The following UNC5D variants were observed in gnomAD, a reference collection of about 807,000 sequenced individuals.
UNC5D encodes netrin receptor UNC5D.
UNC5D carries 39 observed loss-of-function variants against 105.4 expected under a neutral mutation model. The ratio of observed to expected loss-of-function variants is 0.37; its 90% CI spans 0.29 to 0.48. The LOEUF is 0.48. Ranked by LOEUF, UNC5D falls within the 20% of genes least tolerant of loss-of-function variation. The probability of loss-of-function intolerance (pLI) is 0.98; values close to 1 mark genes in which losing one functional copy is unlikely to be tolerated. For missense variants in UNC5D, 991 were observed against 1,202.4 expected, an observed-to-expected ratio of 0.82 and a Z score of 2.60; for synonymous variants, 452 against 450.4, an observed-to-expected ratio of 1.00 and a Z score of -0.04.
chr8:35,257,624 G>A (rs1390092391), intron 1 of UNC5D, among the ~76,000 whole-genome samples: 1 of 152,124 alleles, frequency 6.6e-6, no homozygotes, highest in Non-Finnish European at 1.5e-5. Context: ...AATAATAGTT[G>A]GTGGTATGAA....
Position 35,759,309 on chromosome 8 carries a change from T to G in UNC5D, c.2164-11T>G, listed in dbSNP as rs1563740320. 6.2e-7 allele frequency: 1 copy of G among 1,607,752 alleles called. No individual in the cohort carries two copies. On this transcript the variant is annotated splice_polypyrimidine_tract_variant and intron_variant, in intron 13 of 16. Transcript: ENST00000404895. Reference sequence around the variant, plus strand: ...CATTATTGATCTTATTTTCTTTTTCTTCTCCTATAGGAAGTGGTTTCAGAT... The same window carrying G: ...CATTATTGATCTTATTTTCTTTTTCGTCTCCTATAGGAAGTGGTTTCAGAT...
intron 1 of UNC5D, among the ~76,000 whole-genome samples, chr8:35,248,297 A>AAG (rs1803337709): frequency 8.9e-6 from 1 of 112,646 alleles, no homozygotes; most frequent in African/African-American, 3.8e-5. Context: ...TATGTTATAT[A>AAG]AAATATATAA....
chr8:35,549,517 G>A lies in UNC5D; in HGVS notation c.322+7G>A. On this transcript the variant is annotated splice_region_variant and intron_variant, in intron 2 of 16. Transcript: ENST00000404895. ...ACTCTGGACGAGAGCTCAGGTAGGA[G>A]CGTGCAGCAGTCAGAAGCAGCTGTG... The A allele has an allele frequency of 1.2e-6, 2 of 1,609,844 alleles. No individual in the cohort carries two copies. The highest frequency in any genetic ancestry group is 1.7e-6 in the Non-Finnish European group (2 of 1,178,756).
At chr8:35,430,591 T>C (rs900668097) in intron 1 of UNC5D, among the ~76,000 whole-genome samples, 2 of 151,984 alleles carry the variant, frequency 1.3e-5, no homozygotes, top group African/African-American at 4.8e-5. Context: ...AGTCATTACC[T>C]TGGGAGATCT....
At chr8:35,263,259 G>A (rs1326795497) in intron 1 of UNC5D, among the ~76,000 whole-genome samples, 2 of 152,104 alleles carry the variant, frequency 1.3e-5, no homozygotes, top group Admixed American at 6.5e-5. Context: ...TCTGAGACCA[G>A]TTTCTTAAAA....
rs879530407 is a variant in UNC5D at position 35,793,369 on chromosome 8, C to G, written c.*2806C>G. 1.0e-4 allele frequency: 23 copies of G among 222,876 alleles called. No homozygotes were observed. Among genetic ancestry groups the G allele is most frequent in the African/African-American group, 4.7e-4 (20 of 42,790 alleles). 13.8% of individuals were successfully genotyped at this position (222,876 alleles called of 1,614,324 possible). On this transcript the variant is annotated 3_prime_UTR_variant, in exon 17 of 17. Coordinates refer to ENST00000404895, the MANE Select transcript of UNC5D (RefSeq NM_080872.4). ...TAGTCCTATTGTAATATGTGCCTGT[C>G]ACAACACAAATACCCCTCTTGAAAG...
chr8:35,586,097 AC>A (rs1376286671), intron 3 of UNC5D, among the ~76,000 whole-genome samples: 1 of 151,222 alleles, frequency 6.6e-6, no homozygotes, highest in Non-Finnish European at 1.5e-5. Context: ...ACATGGAGAA[AC>A]CCCCGTTTCT....
chr8:35,622,412 T>A (rs955280388), intron 4 of UNC5D, among the ~76,000 whole-genome samples: 3 of 152,128 alleles, frequency 2.0e-5, no homozygotes, highest in Non-Finnish European at 4.4e-5. Flanking sequence ...ATTATAAGCA[T>A]ATTGTTCAAG....
At chr8:35,725,256 G>C (rs927424411) in intron 9 of UNC5D, among the ~76,000 whole-genome samples, 1 of 152,172 alleles carries the variant, frequency 6.6e-6, no homozygotes, top group African/African-American at 2.4e-5. Flanking sequence ...ACTGATATGG[G>C]TGTGAAGCTT....
chr8:35,715,751 A>G (rs531256727), intron 8 of UNC5D, among the ~76,000 whole-genome samples: 24 of 152,194 alleles, frequency 1.6e-4, no homozygotes, highest in African/African-American at 5.5e-4. Context: ...AAAGAGAATA[A>G]TGAATGAGGC....
At chr8:35,610,261 G>A (rs1820584756) in intron 4 of UNC5D, among the ~76,000 whole-genome samples, 1 of 152,040 alleles carries the variant, frequency 6.6e-6, no homozygotes, top group South Asian at 2.1e-4. Flanking sequence ...TTCTCTAATC[G>A]TTTTTGGTTT....
rs544659183 is a variant in UNC5D at position 35,681,987 on chromosome 8, C to T, written c.571-1560C>T. On this transcript the variant is annotated intron_variant, in intron 4 of 16. Transcript: ENST00000404895. ...ACCTTTTTTTGGGGGGAGGGGCGGA[C>T]GGAGTCTCGCTCTGTCGCCCAGGCT... is the stretch of plus-strand genomic sequence containing the variant. Among the ~76,000 whole-genome samples, 3 of 152,090 alleles carry T rather than the reference C, an allele frequency of 2.0e-5. No homozygotes were observed. The East Asian group carries it at 5.8e-4, about 30-fold the overall frequency.
chr8:35,718,992 G>C (rs367579700), intron 8 of UNC5D, among the ~76,000 whole-genome samples: 1 of 152,226 alleles, frequency 6.6e-6, no homozygotes, highest in Non-Finnish European at 1.5e-5. Flanking sequence ...CCAGTCCCCC[G>C]GAAGTGACTG....
chr8:35,585,809 A>G (rs548848342), intron 3 of UNC5D, among the ~76,000 whole-genome samples: 2 of 151,564 alleles, frequency 1.3e-5, no homozygotes, highest in East Asian at 3.9e-4. Flanking sequence ...ATTCACATAT[A>G]TATGTATATG....
In UNC5D at chr8:35,421,529, T is replaced by C. The variant is rs1290828697; in HGVS notation, c.104-127763T>C. ...GTTTTTAGAGACTTTTAAATTTTAC[T>C]TTAATAATAGGAATTGTTGGTAATT... is the stretch of plus-strand genomic sequence containing the variant. On this transcript the variant is annotated intron_variant, in intron 1 of 16. Transcript: ENST00000404895. Among the ~76,000 whole-genome samples, 3 of 152,218 alleles carry C rather than the reference T, an allele frequency of 2.0e-5. No individual in the cohort carries two copies. The East Asian group carries it at 5.8e-4, about 29-fold the overall frequency.
chr8:35,706,602 T>A, intron 8 of UNC5D, among the ~76,000 whole-genome samples: 1 of 152,172 alleles, frequency 6.6e-6, no homozygotes, highest in East Asian at 1.9e-4. Context: ...AATTCCCAAT[T>A]TCCAGGCTGT....
In UNC5D at chr8:35,379,096, G is replaced by T. The variant is rs183833517; in HGVS notation, c.103+143209G>T. ...GATAATTCTTTGGATTTCCTCCATT[G>T]CTGACTGGGGAAATAGGACTGCTAA... On this transcript the variant is annotated intron_variant, in intron 1 of 16. Transcript: ENST00000404895. 2.8e-3 allele frequency among the ~76,000 whole-genome samples: 422 copies of T among 152,242 alleles called. 4 individuals carry two copies. The highest frequency in any genetic ancestry group is 9.6e-3 in the African/African-American group (400 of 41,548).
At chr8:35,387,171 T>C (rs1161927555) in intron 1 of UNC5D, among the ~76,000 whole-genome samples, 2 of 151,838 alleles carry the variant, frequency 1.3e-5, no homozygotes, top group South Asian at 2.1e-4. Flanking sequence ...TCATCCTGGC[T>C]AACATGGTGA....
In UNC5D at chr8:35,734,335, CAA is replaced by C. The variant is rs10657691; in HGVS notation, c.1766+3265_1766+3266del. On this transcript the variant is annotated intron_variant, in intron 11 of 16. Coordinates refer to ENST00000404895, the MANE Select transcript of UNC5D (RefSeq NM_080872.4). ...GGAGGAAACCAGCAGTAATCACTGT[CAA>C]AAAAAAAAAAAAAAAAAAAAAAAAA... 8.3e-3 allele frequency among the ~76,000 whole-genome samples: 235 copies of C among 28,216 alleles called. 1 individual carries two copies. The highest frequency in any genetic ancestry group is 0.021 in the African/African-American group (199 of 9,422). 18.5% of individuals were successfully genotyped at this position (28,216 alleles called of 152,430 possible).
Sources: allele counts gnomAD v4.1 joint callset (sites outside exome capture counted in the v4.1 genomes callset), GRCh38; gene constraint gnomAD v4.1.1; transcripts MANE v1.5; gene names NCBI Gene and HGNC (gene_info 2026-07-23, HGNC 2026-07-21).